Variants in SOX6 observed in about 807,000 individuals in gnomAD.
The protein encoded by SOX6 is SRY-box transcription factor 6, also known as transcription factor SOX-6.
Under a neutral mutation model 97.8 loss-of-function variants are expected in SOX6, and 11 were observed. That is an observed-to-expected ratio of 0.11 (90% CI 0.07 to 0.19). The LOEUF (loss-of-function observed/expected upper bound fraction) is 0.19. Ranked by LOEUF, SOX6 falls within the 10% of genes least tolerant of loss-of-function variation. The pLI, the probability that SOX6 is intolerant of heterozygous loss-of-function variation, is 1.00. For missense variants in SOX6, 810 were observed against 1,039.5 expected (o/e 0.78, Z 3.04); for synonymous variants, 360 against 371.4 (o/e 0.97, Z 0.35).
chr11:16,008,385 C>T (rs12575858), intron 13 of SOX6, among the ~76,000 whole-genome samples: 16,234 of 151,984 alleles, frequency 0.11, 1,836 homozygotes, highest in East Asian at 0.36. Context: ...GTCAGAAAAG[C>T]AGATCTTTTT....
chr11:16,053,984 T>G (rs1350508480), intron 10 of SOX6, among the ~76,000 whole-genome samples: 1 of 152,164 alleles, frequency 6.6e-6, no homozygotes, highest in East Asian at 1.9e-4. Context: ...AAAAATCTAA[T>G]AAGTAAAAGA....
intron 3 of SOX6, among the ~76,000 whole-genome samples, chr11:16,623,710 C>G (rs1302821499): frequency 6.6e-6 from 1 of 152,258 alleles, no homozygotes; most frequent in Non-Finnish European, 1.5e-5. Context: ...AGATTTAAGT[C>G]TTTGATCCAT....
chr11:16,598,557 A>G (rs1590001121), intron 4 of SOX6, among the ~76,000 whole-genome samples: 2 of 152,038 alleles, frequency 1.3e-5, no homozygotes, highest in Non-Finnish European at 2.9e-5. Context: ...CAGGGTGTCT[A>G]GAACTTAGTA....
chr11:16,540,437 T>A (rs1251292592), intron 4 of SOX6, among the ~76,000 whole-genome samples: 1 of 151,972 alleles, frequency 6.6e-6, no homozygotes, highest in African/African-American at 2.4e-5. Flanking sequence ...CTCTCACCAC[T>A]CCTATTCAAC....
At chr11:16,678,815 G>C (rs753912374) in intron 3 of SOX6, among the ~76,000 whole-genome samples, 2 of 152,132 alleles carry the variant, frequency 1.3e-5, no homozygotes, top group African/African-American at 4.8e-5. Flanking sequence ...TGCCTGGCTC[G>C]GTGGGTCCCA....
intron 4 of SOX6, among the ~76,000 whole-genome samples, chr11:16,496,679 C>T (rs1195160462): frequency 6.6e-6 from 1 of 152,202 alleles, no homozygotes; most frequent in Non-Finnish European, 1.5e-5. Flanking sequence ...GTATCCCGTG[C>T]CTGGATCAGA....
At chr11:16,670,800 A>C (rs1847842769) in intron 3 of SOX6, among the ~76,000 whole-genome samples, 1 of 151,524 alleles carries the variant, frequency 6.6e-6, no homozygotes. Flanking sequence ...TTGGGGAAGA[A>C]ACATAAGCCC....
chr11:16,664,503 A>C (rs1238511855), intron 3 of SOX6, among the ~76,000 whole-genome samples: 2 of 152,260 alleles, frequency 1.3e-5, no homozygotes, highest in Non-Finnish European at 2.9e-5. Flanking sequence ...TTTAGACCAG[A>C]ACTAGCCAGA....
chr11:16,003,460 T>G (rs1160356420), intron 13 of SOX6, among the ~76,000 whole-genome samples: 1 of 152,054 alleles, frequency 6.6e-6, no homozygotes, highest in East Asian at 1.9e-4. Context: ...ATCTTAACAT[T>G]TGCCATATTT....
intron 3 of SOX6, among the ~76,000 whole-genome samples, chr11:16,249,566 T>C (rs1194427105): frequency 6.6e-6 from 1 of 152,214 alleles, no homozygotes; most frequent in Non-Finnish European, 1.5e-5. Flanking sequence ...CCTCTGCCTG[T>C]TATCCAGTTC....
At chr11:16,685,988 CTGGGCCCCAT>C (rs1847966287) in intron 3 of SOX6, among the ~76,000 whole-genome samples, 1 of 152,250 alleles carries the variant, frequency 6.6e-6, no homozygotes, top group South Asian at 2.1e-4. Context: ...CGAGCTGCAC[CTGGGCCCCAT>C]TGGGCCCCAG....
At chr11:16,024,958 G>T (rs1855174872) in intron 12 of SOX6, among the ~76,000 whole-genome samples, 1 of 152,068 alleles carries the variant, frequency 6.6e-6, no homozygotes, top group African/African-American at 2.4e-5. Context: ...CACACATTTA[G>T]ACTCTTGTCA....
At chr11:16,516,256 T>G (rs1170000590) in intron 4 of SOX6, among the ~76,000 whole-genome samples, 12 of 151,952 alleles carry the variant, frequency 7.9e-5, no homozygotes, top group Admixed American at 7.2e-4. Context: ...CTTGAAGAGG[T>G]CCTTCACATC....
At chr11:16,429,339 G>A (rs550552017) in intron 1 of SOX6, among the ~76,000 whole-genome samples, 4 of 152,142 alleles carry the variant, frequency 2.6e-5, no homozygotes, top group African/African-American at 9.6e-5. Context: ...ATATCCAGAG[G>A]AATATAAATT....
intron 3 of SOX6, among the ~76,000 whole-genome samples, chr11:16,273,077 T>A (rs1474793052): frequency 1.3e-5 from 2 of 151,778 alleles, no homozygotes; most frequent in Non-Finnish European, 2.9e-5. Flanking sequence ...AAATCAAAAC[T>A]AGCTCACAAA....
intron 1 of SOX6, among the ~76,000 whole-genome samples, chr11:16,453,399 A>T (rs1014126017): frequency 1.3e-5 from 2 of 152,010 alleles, no homozygotes; most frequent in African/African-American, 4.8e-5. Context: ...CATATCCTCA[A>T]ATCTATGCCC....
intron 4 of SOX6, among the ~76,000 whole-genome samples, chr11:16,574,581 A>G (rs971482669): frequency 2.8e-4 from 42 of 152,274 alleles, no homozygotes; most frequent in African/African-American, 7.7e-4. Flanking sequence ...AGCATTAACC[A>G]AAAAAGAAAA....
At chr11:16,094,862 C>G (rs1045991118) in intron 9 of SOX6, among the ~76,000 whole-genome samples, 5 of 151,892 alleles carry the variant, frequency 3.3e-5, no homozygotes, top group African/African-American at 1.2e-4. Context: ...AGTTAACAAG[C>G]TCTGGAATTC....
At chr11:16,022,667 C>T (rs1371440629) in intron 12 of SOX6, among the ~76,000 whole-genome samples, 1 of 152,166 alleles carries the variant, frequency 6.6e-6, no homozygotes. Flanking sequence ...CCTGCTTCAG[C>T]CTCCCAAAGT....
Sources: gnomAD v4.1 joint callset for allele counts (sites outside exome capture counted in the v4.1 genomes callset) on GRCh38, gnomAD v4.1.1 for gene constraint, MANE v1.5 for transcripts, NCBI Gene and HGNC (gene_info 2026-07-23, HGNC 2026-07-21) for gene names.